LGSN: variants seen among roughly 807,000 people sequenced by gnomAD.
The protein encoded by LGSN is lengsin, lens protein with glutamine synthetase domain, also known as lengsin.
LGSN carries 21 observed loss-of-function variants against 19.5 expected under a neutral mutation model. The ratio of observed to expected loss-of-function variants is 1.07; its 90% confidence interval spans 0.76 to 1.55. The LOEUF (loss-of-function observed/expected upper bound fraction) is 1.55, where lower values mean the gene tolerates loss of function less well. LGSN is among the 40% of genes most tolerant of loss of function. The probability of loss-of-function intolerance (pLI) is 0.00; values close to 1 mark genes in which losing one functional copy is unlikely to be tolerated. For missense variants in LGSN, 673 were observed against 608.5 expected, an observed-to-expected ratio of 1.11 and a Z score of -1.12; for synonymous variants, 257 against 215.6, an observed-to-expected ratio of 1.19 and a Z score of -1.68.
the LGSN span, among the ~76,000 whole-genome samples, chr6:63,506,519 T>A: frequency 6.6e-6 from 1 of 152,212 alleles, no homozygotes; most frequent in Non-Finnish European, 1.5e-5. Context: ...CTCCTTGGCC[T>A]CCCAAAGTGC....
At chr6:63,514,845 C>A in the LGSN span, among the ~76,000 whole-genome samples, 2 of 151,960 alleles carry the variant, frequency 1.3e-5, no homozygotes, top group African/African-American at 4.8e-5. Context: ...GGACCCCAGG[C>A]ACCAGGCACC....
chr6:63,553,114 G>A, the LGSN span, among the ~76,000 whole-genome samples: 2 of 152,082 alleles, frequency 1.3e-5, no homozygotes, highest in Non-Finnish European at 2.9e-5. Context: ...TGTGTATATT[G>A]ATTATATTCA....
chr6:63,434,152 G>A, the LGSN span, among the ~76,000 whole-genome samples: 3 of 152,116 alleles, frequency 2.0e-5, no homozygotes, highest in African/African-American at 7.2e-5. Flanking sequence ...CAGAAGTTGT[G>A]ACCTGGCTGG....
chr6:63,356,297 TG>T, the LGSN span, among the ~76,000 whole-genome samples: 1 of 152,114 alleles, frequency 6.6e-6, no homozygotes, highest in Non-Finnish European at 1.5e-5. Flanking sequence ...CCCAGCACTT[TG>T]GGAGGCTAAG....
intron 1 of LGSN, among the ~76,000 whole-genome samples, chr6:63,301,563 T>A (rs562156933): frequency 6.6e-6 from 1 of 152,224 alleles, no homozygotes; most frequent in African/African-American, 2.4e-5. Context: ...TGAAGGTGAA[T>A]GTATTTGTTT....
chr6:63,536,627 G>A, the LGSN span, among the ~76,000 whole-genome samples: 3 of 152,040 alleles, frequency 2.0e-5, no homozygotes, highest in African/African-American at 7.2e-5. Flanking sequence ...TTTTTCTACT[G>A]TAACATTTGT....
At chr6:63,381,462 T>G in the LGSN span, among the ~76,000 whole-genome samples, 1 of 152,214 alleles carries the variant, frequency 6.6e-6, no homozygotes, top group Non-Finnish European at 1.5e-5. Flanking sequence ...AAAAACTGCC[T>G]TCTTCTATAG....
the LGSN span, among the ~76,000 whole-genome samples, chr6:63,456,186 C>CGCCA: frequency 2.0e-5 from 3 of 150,914 alleles, no homozygotes; most frequent in African/African-American, 7.3e-5. Flanking sequence ...GCCAAGATCA[C>CGCCA]GCCACTGTAC....
the LGSN span, among the ~76,000 whole-genome samples, chr6:63,524,952 G>A: frequency 3.3e-5 from 5 of 152,270 alleles, no homozygotes; most frequent in East Asian, 1.9e-4. Context: ...AAAAACTTAA[G>A]AAAGTAAAAT....
At chr6:63,282,160 A>C (rs571675868) in intron 3 of LGSN, among the ~76,000 whole-genome samples, 56 of 152,338 alleles carry the variant, frequency 3.7e-4, no homozygotes, top group African/African-American at 1.3e-3. Flanking sequence ...AAGGTTATTA[A>C]GTTGAACAGA....
chr6:63,457,848 GA>G, the LGSN span, among the ~76,000 whole-genome samples: 4 of 151,982 alleles, frequency 2.6e-5, no homozygotes, highest in East Asian at 7.8e-4. Context: ...CACTGCACTC[GA>G]GCCTGGGCTA....
At chr6:63,315,330 C>G (rs977539831) in intron 1 of LGSN, among the ~76,000 whole-genome samples, 2 of 152,104 alleles carry the variant, frequency 1.3e-5, no homozygotes, top group African/African-American at 4.8e-5. Context: ...TCAGTCAAAA[C>G]AGCTTTCCTA....
At chr6:63,534,174 A>G in the LGSN span, among the ~76,000 whole-genome samples, 11 of 152,102 alleles carry the variant, frequency 7.2e-5, no homozygotes, top group African/African-American at 2.7e-4. Context: ...GGAAACTGCC[A>G]TTCATCACAA....
the LGSN span, among the ~76,000 whole-genome samples, chr6:63,425,632 G>T: frequency 6.6e-6 from 1 of 152,188 alleles, no homozygotes; most frequent in East Asian, 1.9e-4. Context: ...AGGGAGAAGG[G>T]AAGTAGGTAT....
chr6:63,366,247 C>G, the LGSN span, among the ~76,000 whole-genome samples: 10 of 152,104 alleles, frequency 6.6e-5, no homozygotes, highest in South Asian at 2.1e-4. Context: ...AAAGTCTCAG[C>G]ATACAAAATC....
At chr6:63,410,522 A>G in the LGSN span, among the ~76,000 whole-genome samples, 1 of 152,198 alleles carries the variant, frequency 6.6e-6, no homozygotes, top group Non-Finnish European at 1.5e-5. Flanking sequence ...ATATATATCA[A>G]TGGTATAAAG....
At chr6:63,446,831 C>A in the LGSN span, among the ~76,000 whole-genome samples, 1 of 152,158 alleles carries the variant, frequency 6.6e-6, no homozygotes, top group Admixed American at 6.5e-5. Flanking sequence ...AGGTGGATCA[C>A]CTGAGGTTGG....
At chr6:63,372,485 G>A in the LGSN span, among the ~76,000 whole-genome samples, 58 of 152,292 alleles carry the variant, frequency 3.8e-4, no homozygotes, top group East Asian at 9.6e-3. Context: ...GGAGGAGTGG[G>A]TGGTAAGAGG....
At chr6:63,403,704 A>G in the LGSN span, among the ~76,000 whole-genome samples, 1 of 152,162 alleles carries the variant, frequency 6.6e-6, no homozygotes, top group Non-Finnish European at 1.5e-5. Flanking sequence ...TACACATTCT[A>G]CAATAACCTT....
Sources: allele counts gnomAD v4.1 joint callset (sites outside exome capture counted in the v4.1 genomes callset), GRCh38; gene constraint gnomAD v4.1.1; transcripts MANE v1.5; gene names NCBI Gene and HGNC (gene_info 2026-07-23, HGNC 2026-07-21).